CHD1: variants seen among roughly 807,000 people sequenced by gnomAD.
CHD1 encodes the protein chromodomain helicase DNA binding protein 1.
In CHD1, 36 loss-of-function variants were observed where a neutral mutation model predicts 224.2. The observed-to-expected ratio is 0.16, with a 90% confidence interval of 0.12 to 0.21. CHD1 has a LOEUF of 0.21. Among genes scored for constraint, CHD1 ranks in the 10% least tolerant of loss-of-function variants. The probability of loss-of-function intolerance (pLI) is 1.00; values close to 1 mark genes in which losing one functional copy is unlikely to be tolerated. For synonymous variants in CHD1, 668 were observed against 658.3 expected (o/e 1.01, Z -0.23); for missense variants, 1,378 against 1,994.8 (o/e 0.69, Z 5.89).
At chr5:98,861,869 C>A (rs1238784100) in intron 32 of CHD1, among the ~76,000 whole-genome samples, 1 of 151,122 alleles carries the variant, frequency 6.6e-6, no homozygotes, top group Non-Finnish European at 1.5e-5. Context: ...ACTTTTTTTT[C>A]TTGTTTCTGC....
intron 35 of CHD1, among the ~76,000 whole-genome samples, chr5:98,857,030 T>C (rs1038548246): frequency 6.6e-6 from 1 of 152,166 alleles, no homozygotes; most frequent in Middle Eastern, 3.2e-3. Flanking sequence ...GACTGCATCT[T>C]AATTGTCTGG....
Position 98,888,239 on chromosome 5 carries a change from T to A in CHD1, c.2345A>T (p.His782Leu). The A allele has an allele frequency of 3.7e-6, 6 of 1,604,636 alleles. No individual in the cohort carries two copies. Among genetic ancestry groups the A allele is most frequent in the Non-Finnish European group, 5.1e-6 (6 of 1,175,330 alleles). The change falls in exon 17 of 36, where the codon CAC (histidine) becomes CTC (leucine). Residue 782 changes from histidine (H) to leucine (L), a missense_variant and splice_region_variant. By Grantham distance (99) the His-to-Leu change is moderately conservative. Coordinates refer to ENST00000614616, the MANE Select transcript of CHD1 (RefSeq NM_001270.4). Reference protein sequence around the residue: ...EFYNKQEALQHLIRSSGKLIL... With the variant: ...EFYNKQEALQLLIRSSGKLIL... ...CAATTTTCCGCTACTACGAATTAAGTGCTACAGAAACAATTCAAGTTGTTA... is the reference window on the plus strand; with the variant it reads ...CAATTTTCCGCTACTACGAATTAAGAGCTACAGAAACAATTCAAGTTGTTA...
intron 28 of CHD1, among the ~76,000 whole-genome samples, 188 bp downstream of exon 28, chr5:98,871,863 G>A (rs1260331248): frequency 2.0e-5 from 3 of 151,998 alleles, no homozygotes; most frequent in African/African-American, 7.2e-5. Context: ...TCACAGTAAC[G>A]CAAAATCTCA....
At chr5:98,871,808 G>A (rs1316194933) in intron 28 of CHD1, among the ~76,000 whole-genome samples, 2 of 151,864 alleles carry the variant, frequency 1.3e-5, no homozygotes, top group East Asian at 1.9e-4. Flanking sequence ...TTTTAACCTC[G>A]TAATTTGAAA....
intron 4 of CHD1, 29 bp downstream of exon 4, chr5:98,903,763 T>TA: frequency 6.8e-7 from 1 of 1,472,076 alleles, no homozygotes; most frequent in South Asian, 1.1e-5. Flanking sequence ...TGTCCACTTT[T>TA]AAAATAATAG....
chr5:98,862,278 G>A (rs906750743), intron 32 of CHD1, among the ~76,000 whole-genome samples: 4 of 152,228 alleles, frequency 2.6e-5, no homozygotes, highest in Non-Finnish European at 5.9e-5. Flanking sequence ...ACCAGAGAGA[G>A]TGGCAGCAGG....
chr5:98,890,404 G>C (rs1309373502), intron 15 of CHD1, among the ~76,000 whole-genome samples: 2 of 151,818 alleles, frequency 1.3e-5, no homozygotes, highest in East Asian at 3.9e-4. Flanking sequence ...AGGTAATCAA[G>C]AATAAAGAAT....
At chr5:98,876,184 A>C (rs1208335265) in intron 24 of CHD1, among the ~76,000 whole-genome samples, 3 of 152,214 alleles carry the variant, frequency 2.0e-5, no homozygotes, top group Non-Finnish European at 4.4e-5. Flanking sequence ...TAAGCAGTTT[A>C]GCGATAAATA....
intron 16 of CHD1, among the ~76,000 whole-genome samples, 154 bp downstream of exon 16, chr5:98,888,922 A>G (rs1171051736): frequency 6.6e-6 from 1 of 152,208 alleles, no homozygotes; most frequent in African/African-American, 2.4e-5. Context: ...AGTCTTTTCT[A>G]CAAAGATTAA....
At chr5:98,899,754 G>T in intron 7 of CHD1, 49 bp from the exon 8 acceptor site, 1 of 1,341,128 alleles carries the variant, frequency 7.5e-7, no homozygotes, top group Non-Finnish European at 1.0e-6. Flanking sequence ...TCTGTTGTAG[G>T]ATTATATTTC....
chr5:98,873,557 T>G, intron 26 of CHD1, 36 bp downstream of exon 26: 1 of 1,502,876 alleles, frequency 6.7e-7, no homozygotes, highest in South Asian at 1.3e-5. Flanking sequence ...AGCTTTCATT[T>G]ACTTCTCTTT....
chr5:98,905,212 C>T, intron 2 of CHD1, 114 bp from the exon 3 acceptor site: 4 of 1,219,484 alleles, frequency 3.3e-6, no homozygotes, highest in Non-Finnish European at 4.5e-6. Context: ...AATATTTCAA[C>T]TATCTTTGGC....
intron 2 of CHD1, among the ~76,000 whole-genome samples, chr5:98,920,797 A>C (rs79355901): frequency 7.4e-6 from 1 of 136,012 alleles, no homozygotes; most frequent in Admixed American, 7.2e-5. Context: ...ACGCCGTCTC[A>C]AAAAAAAAAA....
intron 30 of CHD1, 136 bp downstream of exon 30, chr5:98,869,618 G>GCT: frequency 1.3e-6 from 1 of 795,908 alleles, no homozygotes; most frequent in Non-Finnish European, 1.9e-6. Flanking sequence ...GCGCACGTGC[G>GCT]CGCGCACACA....
At chr5:98,922,402 G>A (rs1401766138) in intron 2 of CHD1, among the ~76,000 whole-genome samples, 1 of 152,154 alleles carries the variant, frequency 6.6e-6, no homozygotes, top group African/African-American at 2.4e-5. Context: ...TAGCAAAAGA[G>A]ACATATTTTT....
chr5:98,868,760 T>A, intron 30 of CHD1, 125 bp from the exon 31 acceptor site: 1 of 915,626 alleles, frequency 1.1e-6, no homozygotes, highest in Non-Finnish European at 1.6e-6. Flanking sequence ...TCATTGAATA[T>A]CCTCATCTAT....
rs759646518 is a variant in CHD1 at position 98,903,823 on chromosome 5, T to C, written c.341A>G (p.His114Arg). 1 of 1,613,224 alleles carries C rather than the reference T, an allele frequency of 6.2e-7. No homozygotes were observed. Residue 114 changes from histidine to arginine, a missense_variant, in exon 4 of 36, where the codon CAT (histidine) becomes CGT (arginine). This residue lies in a region of CHD1 where 306 missense variants were observed against 298.1 expected (regional missense o/e 1.03). Transcript: ENST00000614616. ...TGATCCGCTATTAGATGAGGCTTGA[T>C]GTTGTTGTTGCTGCTGCTGCTGTTG... ...KQQQQQQQQQ[H>R]QASSNSGSEE... is the part of the protein sequence containing the mutation.
intron 13 of CHD1, 41 bp downstream of exon 13, chr5:98,894,556 G>T: frequency 4.1e-6 from 3 of 729,530 alleles, no homozygotes; most frequent in South Asian, 1.9e-5. Flanking sequence ...AGAAAAAACT[G>T]ATATACAAGA....
In CHD1 at chr5:98,896,595, T is replaced by C. The variant is rs73153570; in HGVS notation, c.1494-153A>G. The stretch of plus-strand genomic sequence containing the variant: ...TTTTATTAACTACAAATAATAAATG[T>C]AAAGGTATCTGGCTAAAGACTTAAT... On this transcript the variant is annotated intron_variant, in intron 11 of 35. Coordinates refer to ENST00000614616, the MANE Select transcript of CHD1 (RefSeq NM_001270.4). 2.2e-3 allele frequency among the ~76,000 whole-genome samples: 328 copies of C among 152,278 alleles called. 1 individual carries two copies. Among genetic ancestry groups the C allele is most frequent in the African/African-American group, 7.6e-3 (317 of 41,566 alleles).
Sources: allele counts gnomAD v4.1 joint callset (sites outside exome capture counted in the v4.1 genomes callset), GRCh38; gene constraint gnomAD v4.1.1; regional missense constraint gnomAD v4.1.1; transcripts MANE v1.5; gene names NCBI Gene and HGNC (gene_info 2026-07-23, HGNC 2026-07-21).